Variants in GRM1 observed in about 807,000 individuals in gnomAD.
GRM1 encodes the protein metabotropic glutamate receptor 1.
GRM1 carries 33 observed loss-of-function variants against 90.9 expected under a neutral mutation model. The observed-to-expected ratio is 0.36, with a 90% CI of 0.28 to 0.49. The LOEUF is 0.49. GRM1 is among the 20% of genes least tolerant of loss of function. The pLI is 0.99. For synonymous variants in GRM1, 700 were observed against 613.2 expected, an observed-to-expected ratio of 1.14 and a Z score of -2.09; for missense variants, 1,190 against 1,534.3, an observed-to-expected ratio of 0.78 and a Z score of 3.75.
chr6:146,396,094 A>ATCTATCTATCTG lies in GRM1; in HGVS notation c.1730-2665_1730-2664insTGTCTATCTATC, dbSNP rs1268972105. Among the ~76,000 whole-genome samples the ATCTATCTATCTG allele has an allele frequency of 1.3e-4, 18 of 143,690 alleles. No individual in the cohort carries two copies. In the South Asian group the frequency reaches 1.3e-3, roughly 10 times the overall value. 94.3% of individuals were successfully genotyped at this position (143,690 alleles called of 152,430 possible). A position where few individuals can be genotyped will look rare whatever the true frequency, so the allele number is the denominator to read the frequency against. On this transcript the variant is annotated intron_variant, in intron 6 of 7. Transcript: ENST00000282753. ...CATCTATCTATCTATCTATCTATCT[A>ATCTATCTATCTG]TCTATCTATCGTCTATATATATATA...
At chr6:146,154,446 A>G (rs1191986987) in intron 1 of GRM1, among the ~76,000 whole-genome samples, 1 of 152,086 alleles carries the variant, frequency 6.6e-6, no homozygotes, top group Non-Finnish European at 1.5e-5. Context: ...CTGTCTTTTG[A>G]GTCGTGACAT....
At chr6:146,228,346 CAGA>C (rs1393793828) in intron 2 of GRM1, among the ~76,000 whole-genome samples, 2 of 152,124 alleles carry the variant, frequency 1.3e-5, no homozygotes. Flanking sequence ...GGCAGAAGAG[CAGA>C]AGGACAAGCA....
At chr6:146,033,201 T>C (rs1443456161) in intron 1 of GRM1, among the ~76,000 whole-genome samples, 1 of 152,082 alleles carries the variant, frequency 6.6e-6, no homozygotes, top group African/African-American at 2.4e-5. Flanking sequence ...ATTGGAGTAA[T>C]GGAGCCTTAT....
intron 2 of GRM1, among the ~76,000 whole-genome samples, chr6:146,194,915 G>T (rs916462143): frequency 6.6e-6 from 1 of 152,152 alleles, no homozygotes; most frequent in African/African-American, 2.4e-5. Context: ...TAACAACTTA[G>T]TTTCGAGATG....
At chr6:146,198,716 C>A (rs1234437689) in intron 2 of GRM1, among the ~76,000 whole-genome samples, 2 of 152,126 alleles carry the variant, frequency 1.3e-5, no homozygotes, top group Non-Finnish European at 2.9e-5. Context: ...TCAATTCAGA[C>A]CTTATATTCA....
chr6:146,353,376 AGACT>A (rs994169295), intron 4 of GRM1, among the ~76,000 whole-genome samples: 2 of 152,202 alleles, frequency 1.3e-5, no homozygotes, highest in African/African-American at 2.4e-5. Flanking sequence ...ACGATGTCCC[AGACT>A]TAGAGCTTTT....
In GRM1 at chr6:146,035,458, A is replaced by G. The variant is rs74488041; in HGVS notation, c.700+5241A>G. Among the ~76,000 whole-genome samples the G allele has an allele frequency of 1.8e-3, 273 of 152,184 alleles. 2 individuals carry two copies. The highest frequency in any genetic ancestry group is 6.4e-3 in the African/African-American group (265 of 41,572). ...TTTTAACAAGTGTTCATATCCAAGT[A>G]AAACCTTGTTTATCCATAACCTTGA... On this transcript the variant is annotated intron_variant, in intron 1 of 7. Transcript: ENST00000282753.
intron 2 of GRM1, among the ~76,000 whole-genome samples, chr6:146,245,754 A>G (rs930625953): frequency 6.6e-6 from 1 of 152,208 alleles, no homozygotes; most frequent in Non-Finnish European, 1.5e-5. Context: ...CCTCTAAGGA[A>G]CAAAATTCTT....
intron 1 of GRM1, among the ~76,000 whole-genome samples, chr6:146,037,708 C>T (rs1461052451): frequency 6.6e-6 from 1 of 151,986 alleles, no homozygotes; most frequent in Non-Finnish European, 1.5e-5. Flanking sequence ...TACCTATCCT[C>T]ATAGCTCATT....
intron 1 of GRM1, among the ~76,000 whole-genome samples, chr6:146,092,081 A>G (rs931480247): frequency 6.6e-5 from 10 of 152,136 alleles, no homozygotes; most frequent in African/African-American, 1.4e-4. Flanking sequence ...TATTACAAAA[A>G]TACCGTAGTT....
At chr6:146,053,190 T>A (rs1007391735) in intron 1 of GRM1, among the ~76,000 whole-genome samples, 1 of 152,058 alleles carries the variant, frequency 6.6e-6, no homozygotes, top group East Asian at 1.9e-4. Flanking sequence ...CTCAAATAGG[T>A]TTAGCAAATT....
intron 2 of GRM1, among the ~76,000 whole-genome samples, chr6:146,215,295 C>G (rs933782754): frequency 6.6e-6 from 1 of 152,154 alleles, no homozygotes; most frequent in African/African-American, 2.4e-5. Flanking sequence ...GATAGTTAGT[C>G]TTAGGATAAT....
At chr6:146,236,012 C>G (rs1583203270) in intron 2 of GRM1, among the ~76,000 whole-genome samples, 1 of 151,942 alleles carries the variant, frequency 6.6e-6, no homozygotes, top group African/African-American at 2.4e-5. Context: ...AGAGAAGTAG[C>G]ATTTTTGCTT....
intron 1 of GRM1, among the ~76,000 whole-genome samples, chr6:146,049,339 A>C (rs1052428127): frequency 6.6e-6 from 1 of 151,958 alleles, no homozygotes; most frequent in Non-Finnish European, 1.5e-5. Flanking sequence ...AGCTGCCCTC[A>C]ATAATGAAAT....
At chr6:146,110,267 A>G (rs1775504659) in intron 1 of GRM1, among the ~76,000 whole-genome samples, 1 of 152,144 alleles carries the variant, frequency 6.6e-6, no homozygotes, top group Admixed American at 6.5e-5. Flanking sequence ...ACCTGGTGGA[A>G]GATAATTGAA....
In GRM1 at chr6:146,423,586, G is replaced by A. The variant is rs570416204; in HGVS notation, c.2661-10286G>A. ...AAGGCCTCAAAGGAACCGCAGAACT[G>A]TCCCCTAACTGCAGGAGTAGGTTTT... On this transcript the variant is annotated intron_variant, in intron 7 of 7. Transcript: ENST00000282753. Among the ~76,000 whole-genome samples, 12 of 152,008 alleles carry A rather than the reference G, an allele frequency of 7.9e-5. No individual in the cohort carries two copies. In the South Asian group the frequency reaches 2.5e-3, roughly 32 times the overall value.
At chr6:146,231,970 G>A (rs1314742788) in intron 2 of GRM1, among the ~76,000 whole-genome samples, 1 of 152,018 alleles carries the variant, frequency 6.6e-6, no homozygotes, top group East Asian at 1.9e-4. Flanking sequence ...TACATTCTGG[G>A]AAAGTTAGTG....
At chr6:146,409,923 A>G (rs1777498725) in intron 7 of GRM1, among the ~76,000 whole-genome samples, 2 of 152,192 alleles carry the variant, frequency 1.3e-5, no homozygotes, top group Non-Finnish European at 2.9e-5. Flanking sequence ...GAAAGAAATC[A>G]ATAACAGTAG....
intron 1 of GRM1, among the ~76,000 whole-genome samples, chr6:146,137,788 CAT>C (rs1235841213): frequency 6.6e-6 from 1 of 152,096 alleles, no homozygotes; most frequent in Non-Finnish European, 1.5e-5. Flanking sequence ...AATTCATAAA[CAT>C]ATAATATTTT....
Sources: gnomAD v4.1 joint callset for allele counts (sites outside exome capture counted in the v4.1 genomes callset) on GRCh38, gnomAD v4.1.1 for gene constraint, MANE v1.5 for transcripts, NCBI Gene and HGNC (gene_info 2026-07-23, HGNC 2026-07-21) for gene names.